Variants in TEX12 observed in about 807,000 individuals in gnomAD.
The protein encoded by TEX12 is testis-expressed protein 12.
In TEX12, 7 loss-of-function variants were observed where a neutral mutation model predicts 14.6. The ratio of observed to expected loss-of-function variants is 0.48; its 90% CI spans 0.27 to 0.90. The LOEUF (loss-of-function observed/expected upper bound fraction) is 0.90, where lower values mean the gene tolerates loss of function less well. Among genes scored for constraint, TEX12 ranks in the 40% least tolerant of loss-of-function variants. The pLI, the probability that TEX12 is intolerant of heterozygous loss-of-function variation, is 0.12. For synonymous variants in TEX12, 57 were observed against 49.1 expected (o/e 1.16, Z -0.67); for missense variants, 121 against 135.7 (o/e 0.89, Z 0.54).
chr11:112,169,137 C>A, intron 1 of TEX12, 116 bp from the exon 2 acceptor site: 1 of 682,334 alleles, frequency 1.5e-6, no homozygotes, highest in Non-Finnish European at 2.6e-6. Flanking sequence ...AGGAAAGTGA[C>A]AGATAATGAC....
chr11:112,172,289 T>C lies in TEX12; in HGVS notation c.*373T>C, dbSNP rs1866801660. ...GATTCAGTTAATTTATAATGTTTAA[T>C]AATATTATACTTTTAGAATATTTTG... On this transcript the variant is annotated 3_prime_UTR_variant, in exon 5 of 5. Coordinates refer to ENST00000280358, the MANE Select transcript of TEX12 (RefSeq NM_031275.4). The C allele has an allele frequency of 6.6e-6, 1 of 152,162 alleles. No individual in the cohort carries two copies. The highest frequency in any genetic ancestry group is 1.5e-5 in the Non-Finnish European group (1 of 68,036). The allele number at this position is 152,162 out of a possible 1,614,324, so 9.4% of individuals were successfully genotyped here.
chr11:112,168,037 A>T (rs1301397483), intron 1 of TEX12, among the ~76,000 whole-genome samples: 1 of 152,232 alleles, frequency 6.6e-6, no homozygotes, highest in African/African-American at 2.4e-5. Flanking sequence ...CTATTACAGC[A>T]CGTAAACTTA....
In TEX12 at chr11:112,169,076, T is replaced by C. The variant is rs556684364; in HGVS notation, c.-16-177T>C. Reference sequence around the variant, plus strand: ...TGCAGTAATCAAAGTTTTGAAAGATTACCCAAATAGCAGTTGATAGAATGA... The same window carrying C: ...TGCAGTAATCAAAGTTTTGAAAGATCACCCAAATAGCAGTTGATAGAATGA... On this transcript the variant is annotated intron_variant, in intron 1 of 4. Transcript: ENST00000280358. Among the ~76,000 whole-genome samples the C allele has an allele frequency of 3.3e-5, 5 of 152,328 alleles. No homozygotes were observed. The South Asian group carries it at 1.0e-3, about 32-fold the overall frequency.
chr11:112,169,409 T>G (rs1866765317), intron 2 of TEX12, 78 bp downstream of exon 2: 1 of 1,129,808 alleles, frequency 8.9e-7, no homozygotes, highest in Admixed American at 1.8e-5. Flanking sequence ...TTAAGAAAGC[T>G]CTATAGATAA....
At chr11:112,169,962 A>T (rs907898646) in intron 2 of TEX12, among the ~76,000 whole-genome samples, 17 of 152,194 alleles carry the variant, frequency 1.1e-4, no homozygotes, top group African/African-American at 4.1e-4. Flanking sequence ...TTTGAGGCTA[A>T]GAGTTTCAGA....
intron 1 of TEX12, among the ~76,000 whole-genome samples, chr11:112,168,189 C>G (rs1407847745): frequency 1.3e-5 from 2 of 152,158 alleles, no homozygotes; most frequent in Non-Finnish European, 2.9e-5. Flanking sequence ...GTTAAAGTTA[C>G]CCAAATCAGC....
At chr11:112,169,463 A>G (rs536130268) in intron 2 of TEX12, 132 bp downstream of exon 2, 11 of 679,964 alleles carry the variant, frequency 1.6e-5, no homozygotes, top group Non-Finnish European at 2.3e-5. Flanking sequence ...GGATTGTCCT[A>G]CAACATAGGA....
chr11:112,169,326 T>A lies in TEX12; in HGVS notation c.58T>A (p.Leu20Met). The A allele has an allele frequency of 6.2e-7, 1 of 1,611,848 alleles. No homozygotes were observed. Among genetic ancestry groups the A allele is most frequent in the Non-Finnish European group, 8.5e-7 (1 of 1,177,964 alleles). The change falls in exon 2 of 5, where the codon TTG becomes ATG. Residue 20 changes from leucine to methionine, a missense_variant. By Grantham distance (15) the Leu-to-Met change is conservative (BLOSUM62 2). Coordinates refer to ENST00000280358, the MANE Select transcript of TEX12 (RefSeq NM_031275.4). ...DNRNCKRPRE[L>M]ESPVPDSPQL... Reference sequence around the variant, plus strand: ...TAGAAATTGCAAGAGGCCAAGAGAATTGGAGGTAAGCTGTATGCCTATGGA... The same window carrying A: ...TAGAAATTGCAAGAGGCCAAGAGAAATGGAGGTAAGCTGTATGCCTATGGA...
intron 1 of TEX12, among the ~76,000 whole-genome samples, chr11:112,168,763 G>A (rs1866755601): frequency 2.0e-5 from 3 of 152,054 alleles, no homozygotes; most frequent in African/African-American, 7.3e-5. Context: ...TGCTGGCCAG[G>A]CTGGTCTCGA....
At chr11:112,167,988 C>G (rs1866746478) in intron 1 of TEX12, among the ~76,000 whole-genome samples, 1 of 152,202 alleles carries the variant, frequency 6.6e-6, no homozygotes, top group South Asian at 2.1e-4. Flanking sequence ...AAAGTTAGCA[C>G]TGCTGTGCAT....
At chr11:112,170,581 G>A in intron 3 of TEX12, 42 bp from the exon 4 acceptor site, 2 of 1,591,724 alleles carry the variant, frequency 1.3e-6, no homozygotes, top group South Asian at 2.2e-5. Flanking sequence ...TAATGCAGAA[G>A]GTTTGTTATA....
At chr11:112,171,699 T>C (rs1866791989) in intron 4 of TEX12, 73 bp from the exon 5 acceptor site, 1 of 922,100 alleles carries the variant, frequency 1.1e-6, no homozygotes, top group South Asian at 3.5e-5. Flanking sequence ...TAACAAATAT[T>C]GTGTAATGAA....
At chr11:112,169,353 C>G (rs780678007) in intron 2 of TEX12, 22 bp downstream of exon 2, 12 of 1,574,300 alleles carry the variant, frequency 7.6e-6, no homozygotes, top group East Asian at 2.2e-5. Flanking sequence ...GCCTATGGAG[C>G]CTTAATCTTT....
rs565241667 is a variant in TEX12, at chr11:112,171,368, A to G, written c.228-404A>G. 3.9e-5 allele frequency among the ~76,000 whole-genome samples: 6 copies of G among 152,110 alleles called. 2 individuals carry two copies. In the South Asian group the frequency reaches 1.2e-3, roughly 31 times the overall value. On this transcript the variant is annotated intron_variant, in intron 4 of 4. Transcript: ENST00000280358. ...GGATTCTGGAACCAATACCCCATGG[A>G]TACTGAGGGATGACTGTATTTATAT... is the stretch of plus-strand genomic sequence containing the variant.
At chr11:112,168,436 T>C (rs1866751526) in intron 1 of TEX12, among the ~76,000 whole-genome samples, 1 of 149,896 alleles carries the variant, frequency 6.7e-6, no homozygotes, top group Non-Finnish European at 1.5e-5. Flanking sequence ...AGCTCAGTCT[T>C]ACTGGTGTCA....
In TEX12 at chr11:112,170,651, G is replaced by T; in HGVS notation, c.204G>T (p.Leu68Phe). The T allele has an allele frequency of 1.2e-6, 2 of 1,611,606 alleles. No homozygotes were observed. The highest frequency in any genetic ancestry group is 1.7e-6 in the Non-Finnish European group (2 of 1,178,320). ...NDVSKEINLM[L>F]STYAKLLSER... Reference sequence around the variant, plus strand: ...TGAGCAAGGAAATTAATCTAATGTTGTCTACCTATGCAAAGCTTTTAAGGC... The same window carrying T: ...TGAGCAAGGAAATTAATCTAATGTTTTCTACCTATGCAAAGCTTTTAAGGC... Residue 68 changes from leucine to phenylalanine, a missense_variant, in exon 4 of 5, where the codon TTG (leucine) becomes TTT (phenylalanine). Physicochemically the swap from Leu to Phe is conservative, Grantham distance 22 (BLOSUM62 0). Transcript: ENST00000280358.
Position 112,170,463 on chromosome 11 carries a change from A to G in TEX12, c.108A>G (p.Ser36=). The change falls in exon 3 of 5, where the codon TCA becomes TCG. Residue 36 remains serine, a synonymous_variant. Coordinates refer to ENST00000280358, the MANE Select transcript of TEX12 (RefSeq NM_031275.4). ...CACAGCTGTCCTCTCTTGGAAAATC[A>G]GATTCATCTTTCTCTGAAATTTCCG... ...DSPQLSSLGK[S]DSSFSEISGL... 2.5e-6 allele frequency: 4 copies of G among 1,613,824 alleles called. No homozygotes were observed. The highest frequency in any genetic ancestry group is 3.4e-6 in the Non-Finnish European group (4 of 1,179,858).
Position 112,170,571 on chromosome 11 carries a change from T to C in TEX12, c.175+41T>C, listed in dbSNP as rs542867232. On this transcript the variant is annotated intron_variant, in intron 3 of 4. Coordinates refer to ENST00000280358, the MANE Select transcript of TEX12 (RefSeq NM_031275.4). ...TTTATATTTCTAAACATCAGTCTTA[T>C]AATGCAGAAGGTTTGTTATATTTTA... 196 of 1,589,524 alleles carry C rather than the reference T, an allele frequency of 1.2e-4. 3 individuals carry two copies. The South Asian group carries it at 1.9e-3, about 15-fold the overall frequency.
intron 4 of TEX12, 45 bp downstream of exon 4, chr11:112,170,719 C>T (rs777673011): frequency 6.8e-7 from 1 of 1,467,854 alleles, no homozygotes; most frequent in Non-Finnish European, 9.4e-7. Flanking sequence ...TGTTAGTTTT[C>T]TTCTGGAAAC....
Sources: gnomAD v4.1 joint callset for allele counts (sites outside exome capture counted in the v4.1 genomes callset) on GRCh38, gnomAD v4.1.1 for gene constraint, MANE v1.5 for transcripts, NCBI Gene and HGNC (gene_info 2026-07-23, HGNC 2026-07-21) for gene names.